PPA1: variants seen among roughly 807,000 people sequenced by gnomAD.
PPA1 encodes inorganic pyrophosphatase.
In PPA1, 23 loss-of-function variants were observed where a neutral mutation model predicts 41.8. The ratio of observed to expected loss-of-function variants is 0.55; its 90% confidence interval spans 0.40 to 0.78. The LOEUF (loss-of-function observed/expected upper bound fraction) is 0.78. Ranked by LOEUF, PPA1 falls within the 30% of genes least tolerant of loss-of-function variation. PPA1 has a pLI of 0.00. For synonymous variants in PPA1, 101 were observed against 116.8 expected, an observed-to-expected ratio of 0.86 and a Z score of 0.87; for missense variants, 320 against 361.6, an observed-to-expected ratio of 0.89 and a Z score of 0.93.
chr10:70,220,813 T>A lies in PPA1; in HGVS notation c.124-1996A>T, dbSNP rs372714940. ...TATATATATATAATATATATAATTTTTATATATATTATATATATAATTTTT... is the reference window on the plus strand; with the variant it reads ...TATATATATATAATATATATAATTTATATATATATTATATATATAATTTTT... On this transcript the variant is annotated intron_variant, in intron 2 of 10. Transcript: ENST00000373232. Among the ~76,000 whole-genome samples, 20 of 34,158 alleles carry A rather than the reference T, an allele frequency of 5.9e-4. 1 individual carries two copies. Among genetic ancestry groups the A allele is most frequent in the African/African-American group, 1.4e-3 (9 of 6,388 alleles). 22.4% of individuals were successfully genotyped at this position (34,158 alleles called of 152,430 possible). A position where few individuals can be genotyped will look rare whatever the true frequency, so the allele number is the denominator to read the frequency against.
chr10:70,216,716 A>C (rs930117482), intron 4 of PPA1, among the ~76,000 whole-genome samples: 5 of 152,212 alleles, frequency 3.3e-5, no homozygotes, highest in African/African-American at 1.2e-4. Flanking sequence ...CTCAGCATTA[A>C]ATTTTAAGTG....
chr10:70,209,381 C>T, intron 7 of PPA1, 91 bp from the exon 8 acceptor site: 1 of 1,309,088 alleles, frequency 7.6e-7, no homozygotes, highest in African/African-American at 1.5e-5. Flanking sequence ...TTTGTCTCTT[C>T]TGAATCATTT....
chr10:70,233,377 G>T lies in PPA1; in HGVS notation c.-50C>A, dbSNP rs915611549. 2.6e-6 allele frequency: 4 copies of T among 1,526,206 alleles called. No homozygotes were observed. The highest frequency in any genetic ancestry group is 3.5e-6 in the Non-Finnish European group (4 of 1,140,498). 94.5% of individuals were successfully genotyped at this position (1,526,206 alleles called of 1,614,324 possible). On this transcript the variant is annotated 5_prime_UTR_variant, in exon 1 of 11. Coordinates refer to ENST00000373232, the MANE Select transcript of PPA1 (RefSeq NM_021129.4). ...CTGCCACAGAGCCACCAGCCCGCAC[G>T]CGGCGCCGACTGACAAGGAGAGAGC...
intron 8 of PPA1, among the ~76,000 whole-genome samples, 174 bp from the exon 9 acceptor site, chr10:70,206,507 T>C (rs1252670183): frequency 6.6e-6 from 1 of 152,170 alleles, no homozygotes; most frequent in Non-Finnish European, 1.5e-5. Flanking sequence ...ATAGCTATTC[T>C]TGTGATCAAT....
chr10:70,208,429 C>T (rs2136753013), intron 8 of PPA1, among the ~76,000 whole-genome samples: 1 of 152,034 alleles, frequency 6.6e-6, no homozygotes, highest in Non-Finnish European at 1.5e-5. Context: ...GCCTTGATCT[C>T]CAAGGCTCAA....
In PPA1 at chr10:70,209,552, T is replaced by C. The variant is rs1589891078; in HGVS notation, c.639+6A>G. The C allele has an allele frequency of 1.3e-6, 2 of 1,594,968 alleles. No individual in the cohort carries two copies. The highest frequency in any genetic ancestry group is 4.5e-5 in the East Asian group (2 of 44,778). ...CCTAAAGCTACAGTTCTGAATGACA[T>C]ATTACCTTATCTTTAAATTCTGCAT... On this transcript the variant is annotated splice_donor_region_variant and intron_variant, in intron 7 of 10. Transcript: ENST00000373232.
At chr10:70,223,180 C>T (rs1056795428) in intron 2 of PPA1, among the ~76,000 whole-genome samples, 1 of 151,526 alleles carries the variant, frequency 6.6e-6, no homozygotes, top group African/African-American at 2.4e-5. Context: ...ACCTGACCAA[C>T]ATAGCAAGAC....
chr10:70,227,487 A>G (rs914771698), intron 2 of PPA1, among the ~76,000 whole-genome samples: 4 of 151,802 alleles, frequency 2.6e-5, no homozygotes, highest in African/African-American at 9.7e-5. Flanking sequence ...CTGTCTCTAC[A>G]AAAAAATAGA....
In PPA1 at chr10:70,221,038, AAAT is replaced by A. The variant is rs1396240327; in HGVS notation, c.124-2224_124-2222del. On this transcript the variant is annotated intron_variant, in intron 2 of 10. Transcript: ENST00000373232. ...TAATTTATATATATAATATATATAT[AAAT>A]TATATATATATATAATTTATATATA... 9.1e-4 allele frequency among the ~76,000 whole-genome samples: 64 copies of A among 70,672 alleles called. 1 individual carries two copies. The highest frequency in any genetic ancestry group is 4.4e-3 in the African/African-American group (56 of 12,750). The allele number at this position is 70,672 out of a possible 152,430, so 46.4% of individuals were successfully genotyped here.
chr10:70,220,910 TA>T (rs566350721), intron 2 of PPA1, among the ~76,000 whole-genome samples: 14 of 16,862 alleles, frequency 8.3e-4, no homozygotes, highest in South Asian at 5.9e-3. Flanking sequence ...AATTTATATA[TA>T]ATATATATAA....
In PPA1 at chr10:70,233,367, C is replaced by T. The variant is rs768264171; in HGVS notation, c.-40G>A. The T allele has an allele frequency of 1.2e-5, 18 of 1,528,758 alleles. No homozygotes were observed. Among genetic ancestry groups the T allele is most frequent in the East Asian group, 2.5e-5 (1 of 39,418 alleles). The allele number at this position is 1,528,758 out of a possible 1,614,324, so 94.7% of individuals were successfully genotyped here. A position where few individuals can be genotyped will look rare whatever the true frequency, so the allele number is the denominator to read the frequency against. On this transcript the variant is annotated 5_prime_UTR_variant, in exon 1 of 11. Coordinates refer to ENST00000373232, the MANE Select transcript of PPA1 (RefSeq NM_021129.4). The stretch of plus-strand genomic sequence containing the variant: ...GCCGCCGCCGCTGCCACAGAGCCAC[C>T]AGCCCGCACGCGGCGCCGACTGACA...
At position 70,205,978 on chromosome 10, in the gene PPA1, A is replaced by T. The variant is rs985255227; in HGVS notation, c.795+286T>A. The T allele has an allele frequency of 4.9e-5, 17 of 348,214 alleles. No homozygotes were observed. The East Asian group carries it at 8.2e-4, about 17-fold the overall frequency. The allele number at this position is 348,214 out of a possible 1,614,324, so 21.6% of individuals were successfully genotyped here. ...GCGGAAATGGCTTATGATGGGTCAT[A>T]GGCACACAGGTTACTTGGTACATTC... On this transcript the variant is annotated intron_variant, in intron 9 of 10. Coordinates refer to ENST00000373232, the MANE Select transcript of PPA1 (RefSeq NM_021129.4).
intron 8 of PPA1, among the ~76,000 whole-genome samples, chr10:70,207,742 A>G (rs1010948272): frequency 6.6e-6 from 1 of 152,218 alleles, no homozygotes; most frequent in African/African-American, 2.4e-5. Context: ...TCGTGTATAT[A>G]ATACAATCCT....
At chr10:70,221,034 ATATAAAT>A (rs1176028245) in intron 2 of PPA1, among the ~76,000 whole-genome samples, 7 of 73,072 alleles carry the variant, frequency 9.6e-5, no homozygotes, top group African/African-American at 3.7e-4. Context: ...TATAATATAT[ATATAAAT>A]TATATATATA....
intron 2 of PPA1, among the ~76,000 whole-genome samples, chr10:70,229,377 C>T (rs1346088685): frequency 2.6e-5 from 4 of 152,212 alleles, no homozygotes; most frequent in African/African-American, 9.6e-5. Flanking sequence ...GTGATCCTCC[C>T]AGCACAGCCT....
intron 2 of PPA1, among the ~76,000 whole-genome samples, chr10:70,221,626 G>T (rs1457939052): frequency 2.0e-5 from 3 of 152,148 alleles, no homozygotes; most frequent in Non-Finnish European, 4.4e-5. Flanking sequence ...CTTCTCAGGT[G>T]TAAAAACGAG....
rs1840227047 is a variant in PPA1 at position 70,226,073 on chromosome 10, T to C, written c.123+4268A>G. On this transcript the variant is annotated intron_variant, in intron 2 of 10. Coordinates refer to ENST00000373232, the MANE Select transcript of PPA1 (RefSeq NM_021129.4). Reference sequence around the variant, plus strand: ...ACCCAAAAAACATTTGTTCAACAAATTGTGTTAAGATTCCAAGGGAGATCA... The same window carrying C: ...ACCCAAAAAACATTTGTTCAACAAACTGTGTTAAGATTCCAAGGGAGATCA... Among the ~76,000 whole-genome samples the C allele has an allele frequency of 2.6e-5, 4 of 152,226 alleles. No homozygotes were observed. The South Asian group carries it at 6.2e-4, about 24-fold the overall frequency.
chr10:70,205,072 A>C (rs1312909773), intron 9 of PPA1, 157 bp from the exon 10 acceptor site: 4 of 582,996 alleles, frequency 6.9e-6, no homozygotes. Flanking sequence ...GGTTTGCTCT[A>C]CTGCTGAGAT....
At chr10:70,211,649 C>T (rs1840021052) in intron 6 of PPA1, among the ~76,000 whole-genome samples, 1 of 152,114 alleles carries the variant, frequency 6.6e-6, no homozygotes, top group Non-Finnish European at 1.5e-5. Flanking sequence ...ACTACTTGCG[C>T]CATGGGACCA....
Sources: gnomAD v4.1 joint callset for allele counts (sites outside exome capture counted in the v4.1 genomes callset) on GRCh38, gnomAD v4.1.1 for gene constraint, MANE v1.5 for transcripts, NCBI Gene and HGNC (gene_info 2026-07-23, HGNC 2026-07-21) for gene names.